The following SV2B variants were observed in gnomAD, a reference collection of about 807,000 sequenced individuals.
The protein encoded by SV2B is synaptic vesicle glycoprotein 2B.
Under a neutral mutation model 73.9 loss-of-function variants are expected in SV2B, and 41 were observed. The ratio of observed to expected loss-of-function variants is 0.56; its 90% confidence interval spans 0.43 to 0.72. The LOEUF is 0.72. Among genes scored for constraint, SV2B ranks in the 30% least tolerant of loss-of-function variants. The pLI is 0.00. For missense variants in SV2B, 764 were observed against 857.8 expected (o/e 0.89, Z 1.37); for synonymous variants, 314 against 314.2 (o/e 1.00, Z 0.01).
chr15:91,207,401 A>G (rs2045683704), intron 1 of SV2B, among the ~76,000 whole-genome samples: 1 of 152,094 alleles, frequency 6.6e-6, no homozygotes, highest in Non-Finnish European at 1.5e-5. Context: ...ATTCTGTGTT[A>G]AGAGCAAAAA....
chr15:91,212,420 G>A (rs774909868), intron 1 of SV2B, among the ~76,000 whole-genome samples: 92 of 152,042 alleles, frequency 6.1e-4, no homozygotes, highest in Non-Finnish European at 1.1e-3. Context: ...TAAAGTCCCT[G>A]TGTGCTCCTG....
chr15:91,218,469 G>T (rs2046107833), intron 1 of SV2B, among the ~76,000 whole-genome samples: 1 of 152,076 alleles, frequency 6.6e-6, no homozygotes, highest in African/African-American at 2.4e-5. Flanking sequence ...AAATGCCAAG[G>T]TGCCAAATTT....
Position 91,232,497 on chromosome 15 carries a change from G to A in SV2B, c.451+5783G>A, listed in dbSNP as rs962512617. Reference sequence around the variant, plus strand: ...GCTATGAAATATGCCTTTGAGGAAGGAGGTGATAAGATGGGGCCTGTGGTT... The same window carrying A: ...GCTATGAAATATGCCTTTGAGGAAGAAGGTGATAAGATGGGGCCTGTGGTT... On this transcript the variant is annotated intron_variant, in intron 2 of 12. Coordinates refer to ENST00000394232, the MANE Select transcript of SV2B (RefSeq NM_001323032.3). This position sits in a 1 kb window ranked among gnomAD's most constrained non-coding sequence, Gnocchi z 4.7. 6.6e-6 allele frequency among the ~76,000 whole-genome samples: 1 copy of A among 152,152 alleles called. No homozygotes were observed. Among genetic ancestry groups the A allele is most frequent in the African/African-American group, 2.4e-5 (1 of 41,434 alleles).
chr15:91,196,567 C>A (rs2045252499), intron 1 of SV2B, among the ~76,000 whole-genome samples: 1 of 152,136 alleles, frequency 6.6e-6, no homozygotes. Flanking sequence ...AGTGGCTGAG[C>A]TGGTTGGAAG....
chr15:91,138,054 A>G (rs2042894649), intron 1 of SV2B, among the ~76,000 whole-genome samples: 1 of 152,242 alleles, frequency 6.6e-6, no homozygotes, highest in African/African-American at 2.4e-5. Flanking sequence ...TTAACATCAC[A>G]TGAAGAAAGA....
chr15:91,109,058 G>C (rs2041967126), intron 1 of SV2B, among the ~76,000 whole-genome samples: 1 of 152,194 alleles, frequency 6.6e-6, no homozygotes, highest in Non-Finnish European at 1.5e-5. Context: ...ACGGATGACT[G>C]TCTAGCCCCT....
At chr15:91,161,690 G>C (rs907967483) in intron 1 of SV2B, among the ~76,000 whole-genome samples, 1 of 152,162 alleles carries the variant, frequency 6.6e-6, no homozygotes, top group Non-Finnish European at 1.5e-5. Context: ...CCAGGTCATA[G>C]CGCTAAGTGG....
chr15:91,138,274 T>TC (rs1314677433), intron 1 of SV2B, among the ~76,000 whole-genome samples: 1 of 152,226 alleles, frequency 6.6e-6, no homozygotes, highest in Non-Finnish European at 1.5e-5. Context: ...TAGCCAGTAG[T>TC]CACATGCATG....
chr15:91,236,963 G>A lies in SV2B; in HGVS notation c.451+10249G>A, dbSNP rs1040795124. On this transcript the variant is annotated intron_variant, in intron 2 of 12. Transcript: ENST00000394232. This position sits in a 1 kb window ranked among gnomAD's most constrained non-coding sequence, Gnocchi z 4.1. ...CTGGATTTTTTTTTTTAACCTGTTG[G>A]CTTGGAAAGAGATCTTGAGAGAGAA... Among the ~76,000 whole-genome samples the A allele has an allele frequency of 4.0e-5, 6 of 151,852 alleles. No homozygotes were observed. Among genetic ancestry groups the A allele is most frequent in the African/African-American group, 9.7e-5 (4 of 41,318 alleles).
intron 1 of SV2B, among the ~76,000 whole-genome samples, chr15:91,161,298 T>C (rs2043709349): frequency 1.3e-5 from 2 of 152,126 alleles, no homozygotes; most frequent in Non-Finnish European, 2.9e-5. Context: ...TTTTTTTGTA[T>C]GTAAATTGTA....
At position 91,299,253 on chromosome 15, in the gene SV2B, A is replaced by G. The variant is rs2049358047; in HGVS notation, c.*6701A>G. On this transcript the variant is annotated 3_prime_UTR_variant, in exon 13 of 13. Transcript: ENST00000394232. The stretch of plus-strand genomic sequence containing the variant: ...CATAAAAATACTTACAAACATAACT[A>G]TAAGCAATTGATGAGCAAATTACAA... 2 of 152,326 alleles carry G rather than the reference A, an allele frequency of 1.3e-5. No homozygotes were observed. Among genetic ancestry groups the G allele is most frequent in the South Asian group, 4.1e-4 (2 of 4,828 alleles). The allele number at this position is 152,326 out of a possible 1,614,324, so 9.4% of individuals were successfully genotyped here. A position where few individuals can be genotyped will look rare whatever the true frequency, so the allele number is the denominator to read the frequency against.
chr15:91,300,048 T>A lies in SV2B; in HGVS notation c.*7496T>A, dbSNP rs1433375541. On this transcript the variant is annotated 3_prime_UTR_variant, in exon 13 of 13. Coordinates refer to ENST00000394232, the MANE Select transcript of SV2B (RefSeq NM_001323032.3). The stretch of plus-strand genomic sequence containing the variant: ...AGTGTGTGCATATATACACACAAGG[T>A]TTGGTTTAATATACTTGCTGTGCAC... 1 of 152,112 alleles carries A rather than the reference T, an allele frequency of 6.6e-6. No individual in the cohort carries two copies. Among genetic ancestry groups the A allele is most frequent in the Non-Finnish European group, 1.5e-5 (1 of 68,016 alleles). 9.4% of individuals were successfully genotyped at this position (152,112 alleles called of 1,614,324 possible).
Position 91,227,531 on chromosome 15 carries a change from G to A in SV2B, c.451+817G>A, listed in dbSNP as rs1376363161. Among the ~76,000 whole-genome samples the A allele has an allele frequency of 6.6e-6, 1 of 152,150 alleles. No individual in the cohort carries two copies. Among genetic ancestry groups the A allele is most frequent in the African/African-American group, 2.4e-5 (1 of 41,432 alleles). On this transcript the variant is annotated intron_variant, in intron 2 of 12. Coordinates refer to ENST00000394232, the MANE Select transcript of SV2B (RefSeq NM_001323032.3). This position sits in a 1 kb window ranked among gnomAD's most constrained non-coding sequence, Gnocchi z 4.5. ...AAATTTAGAGTCTATGAAATTAATT[G>A]TGCAGCAAACATGTAGTTATGAGAA...
chr15:91,199,508 C>T (rs142384994), intron 1 of SV2B, among the ~76,000 whole-genome samples: 2 of 152,310 alleles, frequency 1.3e-5, no homozygotes, highest in East Asian at 3.9e-4. Context: ...TGTTAAATGC[C>T]GCTTTGCTAA....
intron 9 of SV2B, among the ~76,000 whole-genome samples, chr15:91,275,178 T>G (rs1014322517): frequency 6.6e-6 from 1 of 152,204 alleles, no homozygotes; most frequent in African/African-American, 2.4e-5. Context: ...CTGGCTATTT[T>G]CTATTTGTTT....
chr15:91,107,178 C>T (rs2041906506), intron 1 of SV2B, among the ~76,000 whole-genome samples: 1 of 152,092 alleles, frequency 6.6e-6, no homozygotes, highest in African/African-American at 2.4e-5. Flanking sequence ...GAGATGCAAG[C>T]TGCCCTTCAT....
chr15:91,272,980 G>A (rs1410707158), intron 9 of SV2B, among the ~76,000 whole-genome samples: 1 of 151,734 alleles, frequency 6.6e-6, no homozygotes, highest in Non-Finnish European at 1.5e-5. Flanking sequence ...TTACAGGCGC[G>A]TGCCACCATG....
In SV2B at chr15:91,132,037, T is replaced by G. The variant is rs573470447; in HGVS notation, c.-392+31674T>G. Reference sequence around the variant, plus strand: ...ACTGGTAGAGGGTCGTGACTGCAAGTTATTGAGGTTCTTGGTGTTTTGAAC... The same window carrying G: ...ACTGGTAGAGGGTCGTGACTGCAAGGTATTGAGGTTCTTGGTGTTTTGAAC... On this transcript the variant is annotated intron_variant, in intron 1 of 12. Coordinates refer to ENST00000394232, the MANE Select transcript of SV2B (RefSeq NM_001323032.3). The surrounding 1 kb of genome is among the most constrained non-coding windows in gnomAD (Gnocchi z 4.6). Among the ~76,000 whole-genome samples, 2 of 152,196 alleles carry G rather than the reference T, an allele frequency of 1.3e-5. No homozygotes were observed. The highest frequency in any genetic ancestry group is 2.1e-4 in the South Asian group (1 of 4,812).
intron 1 of SV2B, among the ~76,000 whole-genome samples, chr15:91,159,466 A>G (rs1259503378): frequency 6.6e-6 from 1 of 152,234 alleles, no homozygotes; most frequent in Non-Finnish European, 1.5e-5. Flanking sequence ...AAAAAATTAT[A>G]TAGCTAAGCC....
Sources: allele counts gnomAD v4.1 joint callset (sites outside exome capture counted in the v4.1 genomes callset), GRCh38; gene constraint gnomAD v4.1.1; non-coding constraint Gnocchi (gnomAD v3.1); transcripts MANE v1.5; gene names NCBI Gene and HGNC (gene_info 2026-07-23, HGNC 2026-07-21).